TMEM178B: variants seen among roughly 807,000 people sequenced by gnomAD.
TMEM178B encodes the protein transmembrane protein 178B.
A neutral mutation model predicts 31.0 loss-of-function variants in TMEM178B; 5 were observed. The ratio of observed to expected loss-of-function variants is 0.16; its 90% confidence interval spans 0.08 to 0.34. TMEM178B has a LOEUF of 0.34. Ranked by LOEUF, TMEM178B falls within the 10% of genes least tolerant of loss-of-function variation. TMEM178B has a pLI of 1.00. For missense variants in TMEM178B, 275 were observed against 400.3 expected (o/e 0.69, Z 2.67); for synonymous variants, 164 against 164.0 (o/e 1.00, Z 0.00).
intron 3 of TMEM178B, among the ~76,000 whole-genome samples, chr7:141,465,874 T>G (rs138994285): frequency 0.025 from 3,855 of 152,090 alleles, 165 homozygotes; most frequent in African/African-American, 0.088. Flanking sequence ...AATTTAAAAA[T>G]TAGCTGGGCA....
intron 2 of TMEM178B, among the ~76,000 whole-genome samples, chr7:141,433,380 T>C (rs966735241): frequency 6.6e-6 from 1 of 152,222 alleles, no homozygotes; most frequent in African/African-American, 2.4e-5. Flanking sequence ...GTTTTCAGCT[T>C]CTCTGATACT....
chr7:141,475,841 G>A lies in TMEM178B; in HGVS notation c.*5055G>A, dbSNP rs1267559851. On this transcript the variant is annotated 3_prime_UTR_variant, in exon 4 of 4. Coordinates refer to ENST00000565468, the MANE Select transcript of TMEM178B (RefSeq NM_001195278.2). ...AATCTAATCATAGATGTAAGAATGCGGAAGCCAGAGTAACTCACTCATTAA... is the reference window on the plus strand; with the variant it reads ...AATCTAATCATAGATGTAAGAATGCAGAAGCCAGAGTAACTCACTCATTAA... 1 of 151,614 alleles carries A rather than the reference G, an allele frequency of 6.6e-6. No individual in the cohort carries two copies. The highest frequency in any genetic ancestry group is 1.5e-5 in the Non-Finnish European group (1 of 67,944). The allele number at this position is 151,614 out of a possible 1,614,324, so 9.4% of individuals were successfully genotyped here. A position where few individuals can be genotyped will look rare whatever the true frequency, so the allele number is the denominator to read the frequency against.
intron 2 of TMEM178B, among the ~76,000 whole-genome samples, chr7:141,387,160 G>A (rs1800446626): frequency 6.6e-6 from 1 of 152,100 alleles, no homozygotes; most frequent in African/African-American, 2.4e-5. Flanking sequence ...CTGCTTTGAA[G>A]GAAGATATGA....
chr7:141,412,343 C>G (rs1475599865), intron 2 of TMEM178B, among the ~76,000 whole-genome samples: 1 of 152,106 alleles, frequency 6.6e-6, no homozygotes, highest in Non-Finnish European at 1.5e-5. Flanking sequence ...AAAATCTAAC[C>G]AACGTTTGAA....
At chr7:141,487,725 G>A in the TMEM178B span, among the ~76,000 whole-genome samples, 22 of 104,162 alleles carry the variant, frequency 2.1e-4, no homozygotes, top group East Asian at 7.3e-3. Flanking sequence ...TGGGTGATTA[G>A]AGTAAGACTC....
chr7:141,270,173 G>C (rs553507924), intron 2 of TMEM178B, among the ~76,000 whole-genome samples: 230 of 152,308 alleles, frequency 1.5e-3, no homozygotes, highest in African/African-American at 5.1e-3. Flanking sequence ...AGACCTTTGA[G>C]GGAGCACCCT....
At chr7:141,358,338 G>A (rs1049784942) in intron 2 of TMEM178B, among the ~76,000 whole-genome samples, 1 of 152,106 alleles carries the variant, frequency 6.6e-6, no homozygotes, top group Non-Finnish European at 1.5e-5. Flanking sequence ...GTTTACAAGT[G>A]TTTCCTATAT....
At chr7:141,158,027 A>G (rs1796102791) in intron 1 of TMEM178B, among the ~76,000 whole-genome samples, 1 of 152,154 alleles carries the variant, frequency 6.6e-6, no homozygotes, top group African/African-American at 2.4e-5. Flanking sequence ...TCTTTTGCTA[A>G]CAGACATCAG....
intron 2 of TMEM178B, among the ~76,000 whole-genome samples, chr7:141,326,716 A>G (rs910721525): frequency 2.0e-5 from 3 of 152,182 alleles, no homozygotes; most frequent in Non-Finnish European, 2.9e-5. Flanking sequence ...TATGACAGAG[A>G]TGGTTTGGCC....
chr7:141,457,064 C>T (rs1801976529), intron 3 of TMEM178B, among the ~76,000 whole-genome samples: 1 of 152,172 alleles, frequency 6.6e-6, no homozygotes, highest in African/African-American at 2.4e-5. Context: ...CATAGCAGAT[C>T]TTCACAACTT....
chr7:141,432,524 A>G (rs904657667), intron 2 of TMEM178B, among the ~76,000 whole-genome samples: 2 of 152,176 alleles, frequency 1.3e-5, no homozygotes, highest in African/African-American at 2.4e-5. Context: ...TTTTTGGAAC[A>G]TGGCAGGACT....
Position 141,291,741 on chromosome 7 carries a change from G to A in TMEM178B, c.496+79037G>A, listed in dbSNP as rs57473942. Among the ~76,000 whole-genome samples the A allele has an allele frequency of 2.4e-3, 359 of 151,894 alleles. 2 individuals are homozygous for A. The highest frequency in any genetic ancestry group is 8.1e-3 in the African/African-American group (335 of 41,418). ...ATGTAGAGACAACAAACGCCTTTTG[G>A]TCCAGCTTCCTCTTTTGGAGTGCAG... is the stretch of plus-strand genomic sequence containing the variant. On this transcript the variant is annotated intron_variant, in intron 2 of 3. Coordinates refer to ENST00000565468, the MANE Select transcript of TMEM178B (RefSeq NM_001195278.2).
chr7:141,351,061 A>C (rs922738739), intron 2 of TMEM178B, among the ~76,000 whole-genome samples: 11 of 152,258 alleles, frequency 7.2e-5, no homozygotes, highest in African/African-American at 2.7e-4. Flanking sequence ...AAGTGATGTT[A>C]GCAGTGTGAC....
intron 1 of TMEM178B, among the ~76,000 whole-genome samples, chr7:141,124,241 C>A (rs974336637): frequency 6.6e-6 from 1 of 152,104 alleles, no homozygotes; most frequent in African/African-American, 2.4e-5. Context: ...GTGGTGTGGG[C>A]CTGCAATCCC....
At chr7:141,194,937 C>T (rs776906085) in intron 1 of TMEM178B, among the ~76,000 whole-genome samples, 10 of 152,232 alleles carry the variant, frequency 6.6e-5, no homozygotes, top group Non-Finnish European at 1.5e-4. Context: ...GGGGCTTCCA[C>T]CCACTGAAGC....
chr7:141,135,139 A>G (rs977058082), intron 1 of TMEM178B, among the ~76,000 whole-genome samples: 2 of 152,222 alleles, frequency 1.3e-5, no homozygotes, highest in African/African-American at 4.8e-5. Context: ...AAAGAAGGTC[A>G]TTATATAATG....
At chr7:141,255,480 G>C (rs1187168788) in intron 2 of TMEM178B, among the ~76,000 whole-genome samples, 15 of 152,118 alleles carry the variant, frequency 9.9e-5, no homozygotes, top group Admixed American at 9.8e-4. Context: ...CACAACATTG[G>C]ATCACTAGTA....
At chr7:141,076,791 A>G (rs1054283555) in intron 1 of TMEM178B, among the ~76,000 whole-genome samples, 11 of 152,224 alleles carry the variant, frequency 7.2e-5, no homozygotes, top group African/African-American at 2.7e-4. Flanking sequence ...AGGGCATTGT[A>G]TTTCACTTGA....
intron 3 of TMEM178B, among the ~76,000 whole-genome samples, chr7:141,459,946 GAAA>G (rs772210040): frequency 1.7e-5 from 2 of 116,982 alleles, no homozygotes; most frequent in African/African-American, 3.1e-5. Context: ...AATAGATGGA[GAAA>G]AAAAAAAAAA....
Sources: gnomAD v4.1 joint callset for allele counts (sites outside exome capture counted in the v4.1 genomes callset) on GRCh38, gnomAD v4.1.1 for gene constraint, MANE v1.5 for transcripts, NCBI Gene and HGNC (gene_info 2026-07-23, HGNC 2026-07-21) for gene names.